The following SASS6 variants were observed in gnomAD, a reference collection of about 807,000 sequenced individuals.
SASS6 encodes the protein spindle assembly abnormal protein 6 homolog.
SASS6 carries 59 observed loss-of-function variants against 94.9 expected under a neutral mutation model. The ratio of observed to expected loss-of-function variants is 0.62; its 90% CI spans 0.50 to 0.77. The LOEUF (loss-of-function observed/expected upper bound fraction) is 0.77, where lower values mean the gene tolerates loss of function less well. Among genes scored for constraint, SASS6 ranks in the 30% least tolerant of loss-of-function variants. The probability of loss-of-function intolerance (pLI) is 0.00; values close to 1 mark genes in which losing one functional copy is unlikely to be tolerated. For synonymous variants in SASS6, 264 were observed against 270.0 expected, an observed-to-expected ratio of 0.98 and a Z score of 0.22; for missense variants, 698 against 734.1, an observed-to-expected ratio of 0.95 and a Z score of 0.57.
chr1:100,124,445 C>T (rs1172894257), intron 2 of SASS6, among the ~76,000 whole-genome samples: 2 of 152,154 alleles, frequency 1.3e-5, no homozygotes, highest in Non-Finnish European at 2.9e-5. Flanking sequence ...CAGTGGCACC[C>T]TCACAGCTCA....
At position 100,085,551 on chromosome 1, in the gene SASS6, G is replaced by GA. The variant is rs748984244; in HGVS notation, c.1851_1852insT (p.Leu618SerfsTer3). ...CCCTGCTTACCTGAATTACTAAATA[G>GA]GTTCTGGCTGAGTCCGCGTAAAGGA... On this transcript the variant is annotated frameshift_variant, in exon 16 of 17. Coordinates refer to ENST00000287482, the MANE Select transcript of SASS6 (RefSeq NM_194292.3). LOFTEE classifies it high-confidence loss of function. 1 of 1,611,556 alleles carries GA rather than the reference G, an allele frequency of 6.2e-7. No homozygotes were observed. Among genetic ancestry groups the GA allele is most frequent in the South Asian group, 1.1e-5 (1 of 90,934 alleles).
chr1:100,089,792 A>T lies in SASS6; in HGVS notation c.1675-1556T>A, dbSNP rs561796894. On this transcript the variant is annotated intron_variant, in intron 14 of 16. Transcript: ENST00000287482. ...AGAAAGGAAAATAATACCAGATGAA[A>T]ATTTAGATCTACATAAAGGAAAAAA... Among the ~76,000 whole-genome samples the T allele has an allele frequency of 2.8e-4, 43 of 152,130 alleles. 1 individual carries two copies. In the East Asian group the frequency reaches 7.1e-3, roughly 25 times the overall value.
rs1653036313 is a variant in SASS6, at chr1:100,107,949, A to T, written c.917T>A (p.Leu306Gln). The T allele has an allele frequency of 6.2e-7, 1 of 1,612,096 alleles. No individual in the cohort carries two copies. The highest frequency in any genetic ancestry group is 8.5e-7 in the Non-Finnish European group (1 of 1,178,524). Residue 306 changes from leucine (L) to glutamine (Q), a missense_variant, in exon 9 of 17, where the codon CTA (leucine) becomes CAA (glutamine). Coordinates refer to ENST00000287482, the MANE Select transcript of SASS6 (RefSeq NM_194292.3). ...VLSLRRENST[L>Q]DVECHEKEKH... ...TTCTTTCTCGTGGCATTCAACATCTAGTGTAGAATTCTCTCTTCGCAAAGA... is the reference window on the plus strand; with the variant it reads ...TTCTTTCTCGTGGCATTCAACATCTTGTGTAGAATTCTCTCTTCGCAAAGA...
At chr1:100,131,551 CACA>C (rs1260437496) in intron 1 of SASS6, among the ~76,000 whole-genome samples, 3 of 152,034 alleles carry the variant, frequency 2.0e-5, no homozygotes, top group African/African-American at 7.2e-5. Context: ...ATATGTAAAG[CACA>C]ACAATTCAGA....
chr1:100,125,110 C>T (rs894835029), intron 2 of SASS6, among the ~76,000 whole-genome samples: 1 of 151,976 alleles, frequency 6.6e-6, no homozygotes, highest in African/African-American at 2.4e-5. Flanking sequence ...GACTGATACT[C>T]TAAATGCCTC....
In SASS6 at chr1:100,119,713, A is replaced by G. The variant is rs2101682761; in HGVS notation, c.550-576T>C. ...ATATGAGATCTGGATGTTTAAAAGC[A>G]TGTGGTACCTCCTTCCTCCCACCCT... On this transcript the variant is annotated intron_variant, in intron 6 of 16. Coordinates refer to ENST00000287482, the MANE Select transcript of SASS6 (RefSeq NM_194292.3). 1.3e-5 allele frequency among the ~76,000 whole-genome samples: 2 copies of G among 152,240 alleles called. 1 individual carries two copies. The highest frequency in any genetic ancestry group is 6.8e-3 in the Middle Eastern group (2 of 294).
At position 100,085,278 on chromosome 1, in the gene SASS6, A is replaced by C; in HGVS notation, c.*50T>G. ...CTGGTTTGTGTTGACATATTTTTTAAGCACCTGAGTTTCTAAAATACCAAT... is the reference window on the plus strand; with the variant it reads ...CTGGTTTGTGTTGACATATTTTTTACGCACCTGAGTTTCTAAAATACCAAT... On this transcript the variant is annotated 3_prime_UTR_variant, in exon 17 of 17. Transcript: ENST00000287482. The C allele has an allele frequency of 8.8e-7, 1 of 1,132,954 alleles. No individual in the cohort carries two copies. The highest frequency in any genetic ancestry group is 1.7e-5 in the Admixed American group (1 of 57,282). 70.2% of individuals were successfully genotyped at this position (1,132,954 alleles called of 1,614,324 possible). A position where few individuals can be genotyped will look rare whatever the true frequency, so the allele number is the denominator to read the frequency against.
Position 100,132,807 on chromosome 1 carries a change from T to G in SASS6, c.8A>C (p.Gln3Pro). MS[Q>P]VLFHQLVPLQ... is the part of the protein sequence containing the mutation. ...CGGGACTAGTTGGTGGAACAGCACT[T>G]GGCTCATGTTGGCTCGCTGCCTCGG... Residue 3 changes from glutamine (Q) to proline (P), a missense_variant, in exon 1 of 17, where the codon CAA becomes CCA. Gln to Pro is a moderately conservative substitution (Grantham distance 76, BLOSUM62 -1). Coordinates refer to ENST00000287482, the MANE Select transcript of SASS6 (RefSeq NM_194292.3). 6.2e-7 allele frequency: 1 copy of G among 1,614,000 alleles called. No homozygotes were observed. The highest frequency in any genetic ancestry group is 8.5e-7 in the Non-Finnish European group (1 of 1,179,890).
At chr1:100,119,606 G>C (rs1297428555) in intron 6 of SASS6, among the ~76,000 whole-genome samples, 1 of 152,190 alleles carries the variant, frequency 6.6e-6, no homozygotes, top group Non-Finnish European at 1.5e-5. Flanking sequence ...AGAGGAGGCA[G>C]GGCCTGTGGT....
At chr1:100,124,116 A>G (rs937911920) in intron 2 of SASS6, among the ~76,000 whole-genome samples, 5 of 152,188 alleles carry the variant, frequency 3.3e-5, no homozygotes, top group African/African-American at 1.2e-4. Flanking sequence ...AAAAATCTAA[A>G]CCACTTATGC....
At chr1:100,108,851 A>G (rs1382557510) in intron 8 of SASS6, among the ~76,000 whole-genome samples, 2 of 152,086 alleles carry the variant, frequency 1.3e-5, no homozygotes, top group South Asian at 2.1e-4. Context: ...CTTCATAAAA[A>G]TCCTTACGTA....
In SASS6 at chr1:100,107,652, T is replaced by C. The variant is rs1211252601; in HGVS notation, c.1122A>G (p.Lys374=). The change falls in exon 10 of 17, where the codon AAA becomes AAG. Residue 374 remains lysine, a synonymous_variant. Coordinates refer to ENST00000287482, the MANE Select transcript of SASS6 (RefSeq NM_194292.3). ...VQLGKLEATI[K]SLSAELLKAN... is the part of the protein sequence containing the mutation. ...CCTTCAGAAGTTCTGCAGATAATGATTTTATTGTAGCTTCAAGCTTTCCTA... is the reference window on the plus strand; with the variant it reads ...CCTTCAGAAGTTCTGCAGATAATGACTTTATTGTAGCTTCAAGCTTTCCTA... The C allele has an allele frequency of 1.2e-6, 2 of 1,603,858 alleles. No homozygotes were observed. The highest frequency in any genetic ancestry group is 1.7e-6 in the Non-Finnish European group (2 of 1,175,040).
At chr1:100,126,435 C>T (rs138116241) in intron 1 of SASS6, among the ~76,000 whole-genome samples, 131 of 152,280 alleles carry the variant, frequency 8.6e-4, no homozygotes, top group African/African-American at 2.9e-3. Context: ...TAAAAAATTA[C>T]CATGTCATGT....
intron 7 of SASS6, among the ~76,000 whole-genome samples, chr1:100,110,740 T>C (rs932701841): frequency 6.6e-6 from 1 of 151,908 alleles, no homozygotes; most frequent in Non-Finnish European, 1.5e-5. Flanking sequence ...TTCTTCTAAA[T>C]CCATATATGT....
At chr1:100,118,118 C>T (rs112197174) in intron 7 of SASS6, among the ~76,000 whole-genome samples, 5,026 of 152,106 alleles carry the variant, frequency 0.033, 302 homozygotes, top group African/African-American at 0.11. Flanking sequence ...GAGTTCAAGA[C>T]CAGCCTGACC....
chr1:100,128,740 TA>T (rs1654803009), intron 1 of SASS6, among the ~76,000 whole-genome samples: 1 of 152,234 alleles, frequency 6.6e-6, no homozygotes, highest in Non-Finnish European at 1.5e-5. Flanking sequence ...TCGTACTCAA[TA>T]GATGTCTAAT....
At chr1:100,128,880 C>A (rs1418890874) in intron 1 of SASS6, among the ~76,000 whole-genome samples, 2 of 152,124 alleles carry the variant, frequency 1.3e-5, no homozygotes, top group African/African-American at 4.8e-5. Flanking sequence ...AACTATCAAT[C>A]AAACAAATAA....
chr1:100,099,629 T>C (rs1030972730), intron 14 of SASS6: 8 of 152,220 alleles, frequency 5.3e-5, no homozygotes, highest in African/African-American at 1.9e-4. Context: ...TGGGAGCTGA[T>C]AAACTGAGTC....
chr1:100,100,272 A>AAATGAATAAATG (rs1557882991), intron 14 of SASS6, among the ~76,000 whole-genome samples: 1 of 152,172 alleles, frequency 6.6e-6, no homozygotes, highest in Non-Finnish European at 1.5e-5. Context: ...TCACAAAAAT[A>AAATGAATAAATG]AATGAATAAA....
Sources: allele counts gnomAD v4.1 joint callset (sites outside exome capture counted in the v4.1 genomes callset), GRCh38; gene constraint gnomAD v4.1.1; transcripts MANE v1.5; gene names NCBI Gene and HGNC (gene_info 2026-07-23, HGNC 2026-07-21).